Variants in LIMCH1 observed in about 807,000 individuals in gnomAD.
The protein encoded by LIMCH1 is LIM and calponin homology domains-containing protein 1.
In LIMCH1, 113 loss-of-function variants were observed where a neutral mutation model predicts 176.5. That is an observed-to-expected ratio of 0.64 (90% confidence interval 0.55 to 0.75). LIMCH1 has a LOEUF of 0.75. Ranked by LOEUF, LIMCH1 falls within the 30% of genes least tolerant of loss-of-function variation. LIMCH1 has a pLI of 0.00. For synonymous variants in LIMCH1, 619 were observed against 645.9 expected (o/e 0.96, Z 0.63); for missense variants, 1,674 against 1,814.9 (o/e 0.92, Z 1.41).
chr4:41,363,290 C>T (rs1327135058), intron 1 of LIMCH1, among the ~76,000 whole-genome samples: 5 of 152,010 alleles, frequency 3.3e-5, no homozygotes, highest in African/African-American at 1.2e-4. Flanking sequence ...GGTGGGGGGG[C>T]GGATTGGGGA....
At position 41,631,417 on chromosome 4, in the gene LIMCH1, T is replaced by C; in HGVS notation, c.1541T>C (p.Val514Ala). ...ATTCAAATGGACTCTGTGTCTCCTG[T>C]CTCAGCGGCCACTTCCAGCTTAAAG... is the stretch of plus-strand genomic sequence containing the variant. Reference protein sequence around the residue: ...SKIQMDSVSPVSAATSSLKGH... With the variant: ...SKIQMDSVSPASAATSSLKGH... Residue 514 changes from valine to alanine, a missense_variant, in exon 10 of 32, where the codon GTC (valine) becomes GCC (alanine). Transcript: ENST00000503057. 1 of 1,532,458 alleles carries C rather than the reference T, an allele frequency of 6.5e-7. No homozygotes were observed. The highest frequency in any genetic ancestry group is 8.7e-7 in the Non-Finnish European group (1 of 1,145,972). 94.9% of individuals were successfully genotyped at this position (1,532,458 alleles called of 1,614,324 possible).
At chr4:41,642,885 A>AT (rs1451721698) in intron 14 of LIMCH1, among the ~76,000 whole-genome samples, 1 of 151,588 alleles carries the variant, frequency 6.6e-6, no homozygotes, top group Non-Finnish European at 1.5e-5. Flanking sequence ...GGCCCAGCTT[A>AT]TTTTTTCTAG....
chr4:41,571,949 T>C (rs2083630314), intron 1 of LIMCH1, among the ~76,000 whole-genome samples: 1 of 152,204 alleles, frequency 6.6e-6, no homozygotes, highest in Non-Finnish European at 1.5e-5. Context: ...CTTTCATTTA[T>C]AGTAAACTGG....
At chr4:41,527,305 A>G (rs1008933405) in intron 3 of LIMCH1, among the ~76,000 whole-genome samples, 2 of 152,198 alleles carry the variant, frequency 1.3e-5, no homozygotes, top group Admixed American at 1.3e-4. Context: ...ACAGTTTGAA[A>G]TTAAAGGCCT....
intron 1 of LIMCH1, among the ~76,000 whole-genome samples, chr4:41,402,303 A>G (rs374068152): frequency 6.6e-6 from 1 of 151,816 alleles, no homozygotes; most frequent in Non-Finnish European, 1.5e-5. Flanking sequence ...TTAGAATGGC[A>G]ATCATTAAAA....
At chr4:41,663,852 TA>T (rs34659309) in intron 20 of LIMCH1, among the ~76,000 whole-genome samples, 388 of 82,766 alleles carry the variant, frequency 4.7e-3, no homozygotes, top group South Asian at 0.014. Flanking sequence ...TCTTCATCTC[TA>T]AAAAAAAAAA....
At chr4:41,430,321 G>C (rs2061484552) in intron 1 of LIMCH1, among the ~76,000 whole-genome samples, 2 of 152,188 alleles carry the variant, frequency 1.3e-5, no homozygotes, top group Admixed American at 1.3e-4. Flanking sequence ...GGAGTGCAGT[G>C]GTGCGATCTT....
At chr4:41,691,762 TA>T (rs559202381) in intron 30 of LIMCH1, among the ~76,000 whole-genome samples, 2 of 151,980 alleles carry the variant, frequency 1.3e-5, no homozygotes, top group Non-Finnish European at 2.9e-5. Context: ...GACACTGTCT[TA>T]AAAAATAAAT....
chr4:41,419,154 T>C (rs1370336739), intron 1 of LIMCH1, among the ~76,000 whole-genome samples: 1 of 142,482 alleles, frequency 7.0e-6, no homozygotes, highest in Non-Finnish European at 1.5e-5. Context: ...TTTTATTTTA[T>C]TTTATTTTAT....
At chr4:41,611,230 G>A (rs577853814) in intron 4 of LIMCH1, among the ~76,000 whole-genome samples, 186 of 152,304 alleles carry the variant, frequency 1.2e-3, no homozygotes, top group African/African-American at 4.3e-3. Context: ...ATGCTGTACA[G>A]CTTTGCAGCA....
intron 1 of LIMCH1, among the ~76,000 whole-genome samples, chr4:41,493,651 G>A (rs2071507804): frequency 1.3e-5 from 2 of 152,082 alleles, no homozygotes; most frequent in South Asian, 2.1e-4. Context: ...TTTGGTAGCC[G>A]AGATGGGTTT....
chr4:41,511,893 A>G (rs1447462188), intron 2 of LIMCH1, among the ~76,000 whole-genome samples: 2 of 152,206 alleles, frequency 1.3e-5, no homozygotes, highest in Non-Finnish European at 2.9e-5. Flanking sequence ...CAAAAATACA[A>G]GTGACAAGAA....
chr4:41,455,479 G>A (rs933767378), intron 1 of LIMCH1, among the ~76,000 whole-genome samples: 2 of 152,200 alleles, frequency 1.3e-5, no homozygotes, highest in Admixed American at 6.5e-5. Context: ...CTGGGTGCAA[G>A]GTCAGCTGCA....
In LIMCH1 at chr4:41,638,939, C is replaced by T. The variant is rs1399012227; in HGVS notation, c.2098C>T (p.Pro700Ser). ...TTTTATTTGATCTTATAGATACGGT[C>T]CGAGAACTCCTGTGTCTGATGACGC... ...GLPMKDQRYG[P>S]RTPVSDDAES... Residue 700 changes from proline to serine, a missense_variant, in exon 14 of 32, where the codon CCG becomes TCG. Pro to Ser is a moderately conservative substitution (Grantham distance 74). Transcript: ENST00000503057. The T allele has an allele frequency of 1.2e-6, 2 of 1,600,594 alleles. No homozygotes were observed. Among genetic ancestry groups the T allele is most frequent in the Middle Eastern group, 1.7e-4 (1 of 6,028 alleles).
At chr4:41,484,149 T>C (rs1422791906) in intron 1 of LIMCH1, among the ~76,000 whole-genome samples, 1 of 152,250 alleles carries the variant, frequency 6.6e-6, no homozygotes, top group African/African-American at 2.4e-5. Flanking sequence ...ATTTCTTCAG[T>C]TATGCAATTT....
rs74612142 is a variant in LIMCH1, at chr4:41,563,418, C to T, written c.-241+25068C>T. On this transcript the variant is annotated intron_variant, in intron 1 of 31. Transcript: ENST00000503057. ...TCTGGAGCATAGATAATCAGAACCC[C>T]GCAAACAGCTTGTAAAATGAAGCAA... 8.1e-4 allele frequency among the ~76,000 whole-genome samples: 123 copies of T among 152,176 alleles called. 1 individual carries two copies. In the East Asian group the frequency reaches 0.021, roughly 26 times the overall value.
intron 1 of LIMCH1, among the ~76,000 whole-genome samples, chr4:41,592,544 C>A (rs1350126938): frequency 6.6e-6 from 1 of 152,102 alleles, no homozygotes; most frequent in South Asian, 2.1e-4. Context: ...AATGGATAAA[C>A]TGTTCTTCAT....
chr4:41,585,988 C>T (rs1316066961), intron 1 of LIMCH1, among the ~76,000 whole-genome samples: 1 of 149,626 alleles, frequency 6.7e-6, no homozygotes, highest in African/African-American at 2.5e-5. Flanking sequence ...CTTCACTTCG[C>T]TTCTCTTCTG....
rs938714051 is a variant in LIMCH1 at position 41,631,274 on chromosome 4, A to G, written c.1398A>G (p.Gln466=). ...CTAAGAAAGCTTCCAGCCCCAGGCA[A>G]AAGTTTGTGCACTTTGGGCCAGTGA... ...RASKKASSPR[Q]KFVHFGPVTE... Residue 466 remains glutamine (Q), a synonymous_variant, in exon 10 of 32, where the codon CAA becomes CAG. Coordinates refer to ENST00000503057, the MANE Select transcript of LIMCH1 (RefSeq NM_001330672.2). 5.9e-6 allele frequency: 9 copies of G among 1,535,980 alleles called. No individual in the cohort carries two copies. The Admixed American group carries it at 1.2e-4, about 20-fold the overall frequency.
Sources: allele counts gnomAD v4.1 joint callset (sites outside exome capture counted in the v4.1 genomes callset), GRCh38; gene constraint gnomAD v4.1.1; transcripts MANE v1.5; gene names NCBI Gene and HGNC (gene_info 2026-07-23, HGNC 2026-07-21).